Variants in RABGAP1L observed in about 807,000 individuals in gnomAD.
The protein encoded by RABGAP1L is rab GTPase-activating protein 1-like.
A neutral mutation model predicts 137.7 loss-of-function variants in RABGAP1L; 63 were observed. The ratio of observed to expected loss-of-function variants is 0.46; its 90% CI spans 0.37 to 0.56. The LOEUF (loss-of-function observed/expected upper bound fraction) is 0.56. Ranked by LOEUF, RABGAP1L falls within the 20% of genes least tolerant of loss-of-function variation. The pLI is 0.00. For synonymous variants in RABGAP1L, 431 were observed against 433.7 expected (o/e 0.99, Z 0.08); for missense variants, 1,095 against 1,244.0 (o/e 0.88, Z 1.80).
intron 1 of RABGAP1L, 108 bp from the exon 2 acceptor site, chr1:174,219,017 G>A (rs1318898084): frequency 1.2e-6 from 1 of 841,872 alleles, no homozygotes; most frequent in Admixed American, 3.4e-5. Context: ...TAGCCAGCAG[G>A]ATTCTTCTTC....
intron 4 of RABGAP1L, among the ~76,000 whole-genome samples, chr1:174,232,748 A>C (rs1159097271): frequency 6.6e-6 from 1 of 150,982 alleles, no homozygotes; most frequent in Non-Finnish European, 1.5e-5. Context: ...GCGACAGAGC[A>C]AGACGCCATC....
chr1:174,707,909 T>G (rs1158816187), intron 17 of RABGAP1L, among the ~76,000 whole-genome samples: 21 of 152,238 alleles, frequency 1.4e-4, no homozygotes, highest in Non-Finnish European at 1.5e-5. Context: ...AAAAGTGTTT[T>G]TTGCTTCTCC....
At position 174,218,326 on chromosome 1, in the gene RABGAP1L, AC is replaced by A. The variant is rs1426491030; in HGVS notation, c.-33-798del. Among the ~76,000 whole-genome samples the A allele has an allele frequency of 1.6e-4, 25 of 152,100 alleles. 1 individual carries two copies. The highest frequency in any genetic ancestry group is 1.6e-3 in the Admixed American group (25 of 15,264). ...TATGTAAGCCCCAGAAGTGCAGGCT[AC>A]TTGTTTTCCTTATTCACTTAGGTAA... On this transcript the variant is annotated intron_variant, in intron 1 of 25. Transcript: ENST00000681986.
At chr1:174,699,407 T>A in intron 15 of RABGAP1L, 118 bp from the exon 16 acceptor site, 1 of 817,774 alleles carries the variant, frequency 1.2e-6, no homozygotes, top group Non-Finnish European at 1.8e-6. Flanking sequence ...TCTGAAGGAC[T>A]TCATTTGCTC....
At chr1:174,454,581 C>T (rs1038071777) in intron 13 of RABGAP1L, among the ~76,000 whole-genome samples, 3 of 140,284 alleles carry the variant, frequency 2.1e-5, no homozygotes, top group African/African-American at 8.4e-5. Flanking sequence ...GACAGAGTCT[C>T]GCTCTGTTGC....
chr1:174,939,755 C>CA (rs1410953940), intron 19 of RABGAP1L, among the ~76,000 whole-genome samples: 1 of 152,130 alleles, frequency 6.6e-6, no homozygotes, highest in Non-Finnish European at 1.5e-5. Flanking sequence ...ATTTAGGTAA[C>CA]AAGAATATCC....
At chr1:174,399,868 C>T (rs182319177) in intron 13 of RABGAP1L, among the ~76,000 whole-genome samples, 1 of 152,092 alleles carries the variant, frequency 6.6e-6, no homozygotes, top group Non-Finnish European at 1.5e-5. Context: ...GTTATCTCCA[C>T]CTGGTCCCTC....
intron 1 of RABGAP1L, among the ~76,000 whole-genome samples, chr1:174,192,154 G>C (rs983800241): frequency 6.6e-6 from 1 of 152,064 alleles, no homozygotes. Context: ...GTTTTATTCT[G>C]TAAATGATAA....
intron 11 of RABGAP1L, among the ~76,000 whole-genome samples, chr1:174,334,989 T>C (rs952694138): frequency 1.3e-5 from 2 of 152,158 alleles, no homozygotes; most frequent in Non-Finnish European, 2.9e-5. Flanking sequence ...TGAATTTTTG[T>C]TTTTCTCTTA....
chr1:174,772,304 G>T (rs1222864388), intron 18 of RABGAP1L, among the ~76,000 whole-genome samples: 1 of 151,732 alleles, frequency 6.6e-6, no homozygotes, highest in Non-Finnish European at 1.5e-5. Context: ...TTTGGTCAGG[G>T]CAGTGGCTCA....
intron 7 of RABGAP1L, among the ~76,000 whole-genome samples, chr1:174,256,364 A>T (rs1325921861): frequency 6.6e-6 from 1 of 152,202 alleles, no homozygotes; most frequent in Non-Finnish European, 1.5e-5. Flanking sequence ...AGAGATAGCC[A>T]TCTGTCCCTT....
intron 13 of RABGAP1L, among the ~76,000 whole-genome samples, chr1:174,447,890 G>GCCCCCCCCCCCC (rs11321562): frequency 1.4e-5 from 1 of 69,566 alleles, no homozygotes; most frequent in Non-Finnish European, 3.0e-5. Flanking sequence ...ACCCCTTACC[G>GCCCCCCCCCCCC]CCCCCCCCCC....
At chr1:174,246,414 G>A (rs1489910525) in intron 5 of RABGAP1L, 1 of 152,138 alleles carries the variant, frequency 6.6e-6, no homozygotes, top group African/African-American at 2.4e-5. Context: ...TGTTTGCCAT[G>A]GTATGTGTTT....
At chr1:174,160,652 G>A (rs182457147) in intron 1 of RABGAP1L, among the ~76,000 whole-genome samples, 11 of 152,102 alleles carry the variant, frequency 7.2e-5, no homozygotes, top group Admixed American at 2.0e-4. Context: ...TGATTTTAAG[G>A]CCTTTATTTT....
chr1:174,493,132 G>T (rs1660418327), intron 13 of RABGAP1L, among the ~76,000 whole-genome samples: 1 of 149,184 alleles, frequency 6.7e-6, no homozygotes, highest in Non-Finnish European at 1.5e-5. Flanking sequence ...GCTGAGGCAG[G>T]AGGCTTGCCT....
intron 13 of RABGAP1L, among the ~76,000 whole-genome samples, chr1:174,480,865 G>T (rs1659017668): frequency 1.3e-5 from 2 of 152,174 alleles, no homozygotes; most frequent in Non-Finnish European, 1.5e-5. Context: ...TTTCTGTTGT[G>T]AATTTTCTAG....
chr1:174,632,576 G>C (rs531250900), intron 13 of RABGAP1L, among the ~76,000 whole-genome samples: 3 of 150,082 alleles, frequency 2.0e-5, no homozygotes. Flanking sequence ...ATATTTCTTG[G>C]AGGCTTTGCT....
chr1:174,178,685 A>T (rs1666097015), intron 1 of RABGAP1L, among the ~76,000 whole-genome samples: 1 of 152,224 alleles, frequency 6.6e-6, no homozygotes, highest in Non-Finnish European at 1.5e-5. Flanking sequence ...CTTGGCAGGG[A>T]CATGGATGAA....
intron 15 of RABGAP1L, among the ~76,000 whole-genome samples, chr1:174,698,399 T>C (rs905880862): frequency 2.4e-4 from 37 of 152,208 alleles, no homozygotes; most frequent in African/African-American, 8.7e-4. Flanking sequence ...CTGAAAACTG[T>C]ATTTTACAGA....
Sources: gnomAD v4.1 joint callset for allele counts (sites outside exome capture counted in the v4.1 genomes callset) on GRCh38, gnomAD v4.1.1 for gene constraint, MANE v1.5 for transcripts, NCBI Gene and HGNC (gene_info 2026-07-23, HGNC 2026-07-21) for gene names.